The following SORCS2 variants were observed in gnomAD, a reference collection of about 807,000 sequenced individuals.
SORCS2 encodes sortilin related VPS10 domain containing receptor 2.
SORCS2 carries 100 observed loss-of-function variants against 141.6 expected under a neutral mutation model. The ratio of observed to expected loss-of-function variants is 0.71; its 90% CI spans 0.60 to 0.83. The LOEUF is 0.83. Among genes scored for constraint, SORCS2 ranks in the 40% least tolerant of loss-of-function variants. The probability of loss-of-function intolerance (pLI) is 0.00; values close to 1 mark genes in which losing one functional copy is unlikely to be tolerated. For missense variants in SORCS2, 1,646 were observed against 1,560.2 expected (o/e 1.05, Z -0.93); for synonymous variants, 789 against 676.9 (o/e 1.17, Z -2.57).
chr4:7,359,382 T>C (rs921618531), intron 1 of SORCS2, among the ~76,000 whole-genome samples: 2 of 152,176 alleles, frequency 1.3e-5, no homozygotes, highest in Admixed American at 1.3e-4. Context: ...GATCCTCCCA[T>C]CTGGGCCTCC....
Position 7,612,049 on chromosome 4 carries a change from G to A in SORCS2, c.649-26279G>A, listed in dbSNP as rs919556126. On this transcript the variant is annotated intron_variant, in intron 3 of 26. Coordinates refer to ENST00000507866, the MANE Select transcript of SORCS2 (RefSeq NM_020777.3). ...GTGGTGTGGGACAGAAGAGGACAGC[G>A]GAAGGTGACACATGTAGCTTTGCAG... Among the ~76,000 whole-genome samples the A allele has an allele frequency of 4.6e-5, 7 of 152,344 alleles. No homozygotes were observed. The East Asian group carries it at 9.7e-4, about 21-fold the overall frequency.
chr4:7,643,955 C>G (rs1215955293), intron 4 of SORCS2, among the ~76,000 whole-genome samples: 1 of 152,170 alleles, frequency 6.6e-6, no homozygotes, highest in Non-Finnish European at 1.5e-5. Context: ...ATTCTCTTAG[C>G]AATGAGAAGC....
chr4:7,530,323 C>T (rs2109540887), intron 2 of SORCS2, among the ~76,000 whole-genome samples: 1 of 152,352 alleles, frequency 6.6e-6, no homozygotes, highest in South Asian at 2.1e-4. Flanking sequence ...GAGCCAGGTG[C>T]TGGGGTCTGA....
At chr4:7,246,369 G>C (rs2108798775) in intron 1 of SORCS2, among the ~76,000 whole-genome samples, 1 of 152,186 alleles carries the variant, frequency 6.6e-6, no homozygotes, top group East Asian at 1.9e-4. Context: ...ATCTCACCCA[G>C]GGCTTAAATG....
At chr4:7,493,446 T>C (rs1328938691) in intron 2 of SORCS2, among the ~76,000 whole-genome samples, 2 of 152,134 alleles carry the variant, frequency 1.3e-5, no homozygotes, top group African/African-American at 4.8e-5. Flanking sequence ...TGCCTGACCC[T>C]TGGTGTCTAA....
At chr4:7,319,323 A>C (rs766651872) in intron 1 of SORCS2, among the ~76,000 whole-genome samples, 8 of 152,140 alleles carry the variant, frequency 5.3e-5, no homozygotes, top group Non-Finnish European at 1.2e-4. Context: ...TCTAATCATG[A>C]ATCGAGCTGG....
Position 7,740,485 on chromosome 4 carries a change from A to C in SORCS2, c.*221A>C, listed in dbSNP as rs542429478. ...ACTCCCCGGACATGGCCCTGCCCCT[A>C]TGGGACACCAGGCCTGACTCAGGCA... On this transcript the variant is annotated 3_prime_UTR_variant, in exon 27 of 27. Coordinates refer to ENST00000507866, the MANE Select transcript of SORCS2 (RefSeq NM_020777.3). The C allele has an allele frequency of 1.1e-5, 6 of 560,816 alleles. No individual in the cohort carries two copies. The highest frequency in any genetic ancestry group is 3.0e-5 in the East Asian group (1 of 33,780). 34.7% of individuals were successfully genotyped at this position (560,816 alleles called of 1,614,324 possible).
At chr4:7,647,135 G>T (rs953102196) in intron 4 of SORCS2, among the ~76,000 whole-genome samples, 25 of 152,194 alleles carry the variant, frequency 1.6e-4, no homozygotes, top group African/African-American at 5.5e-4. Flanking sequence ...CACAGCTTGC[G>T]CAAAGGCCTG....
At chr4:7,222,294 A>G (rs1212776034) in intron 1 of SORCS2, among the ~76,000 whole-genome samples, 1 of 152,212 alleles carries the variant, frequency 6.6e-6, no homozygotes, top group Non-Finnish European at 1.5e-5. Flanking sequence ...GTGGTAGAAT[A>G]TTATTCAGCC....
At chr4:7,698,456 A>G (rs550509293) in intron 12 of SORCS2, among the ~76,000 whole-genome samples, 154 of 152,354 alleles carry the variant, frequency 1.0e-3, no homozygotes, top group African/African-American at 3.6e-3. Context: ...GATTTATTGT[A>G]TTTTAATATT....
Position 7,511,482 on chromosome 4 carries a change from G to C in SORCS2, c.549-20048G>C, listed in dbSNP as rs115415471. 2.9e-3 allele frequency among the ~76,000 whole-genome samples: 415 copies of C among 142,866 alleles called. 6 individuals carry two copies. Among genetic ancestry groups the C allele is most frequent in the African/African-American group, 0.011 (381 of 35,758 alleles). The allele number at this position is 142,866 out of a possible 152,430, so 93.7% of individuals were successfully genotyped here. A position where few individuals can be genotyped will look rare whatever the true frequency, so the allele number is the denominator to read the frequency against. ...CAGATACACACACAACTTGGGGGAGGGGGGGTGGAGAGAGAGACAGAGAAA... is the reference window on the plus strand; with the variant it reads ...CAGATACACACACAACTTGGGGGAGCGGGGGTGGAGAGAGAGACAGAGAAA... On this transcript the variant is annotated intron_variant, in intron 2 of 26. Coordinates refer to ENST00000507866, the MANE Select transcript of SORCS2 (RefSeq NM_020777.3).
At chr4:7,203,418 C>T (rs113072727) in intron 1 of SORCS2, among the ~76,000 whole-genome samples, 112 of 124,736 alleles carry the variant, frequency 9.0e-4, no homozygotes, top group South Asian at 1.3e-3. Context: ...AGCAAGACTC[C>T]GCCTCAAAAA....
chr4:7,581,642 G>T (rs1180186590), intron 3 of SORCS2, among the ~76,000 whole-genome samples: 2 of 152,120 alleles, frequency 1.3e-5, no homozygotes, highest in African/African-American at 4.8e-5. Flanking sequence ...GAGCCCTCAC[G>T]CAGATTGGGT....
Position 7,193,466 on chromosome 4 carries a change from T to TC in SORCS2, c.480+340_480+341insC, listed in dbSNP as rs113754317. 0.07 allele frequency among the ~76,000 whole-genome samples: 10,610 copies of TC among 152,144 alleles called. 694 individuals carry two copies. The highest frequency in any genetic ancestry group is 0.19 in the East Asian group (954 of 5,142). On this transcript the variant is annotated intron_variant, in intron 1 of 26. Coordinates refer to ENST00000507866, the MANE Select transcript of SORCS2 (RefSeq NM_020777.3). The surrounding 1 kb of genome is among the most constrained non-coding windows in gnomAD (Gnocchi z 4.8). The stretch of plus-strand genomic sequence containing the variant: ...TCGGAAGCCTGCAGGTCCTTGAGGG[T>TC]ACCCCAGCTCGGCGTTACCTCCCCT...
chr4:7,628,251 G>T (rs1224844451), intron 3 of SORCS2, among the ~76,000 whole-genome samples: 1 of 152,130 alleles, frequency 6.6e-6, no homozygotes, highest in Non-Finnish European at 1.5e-5. Context: ...GGCCAGGCGC[G>T]GTGGCTCATG....
At chr4:7,576,529 C>T (rs1353874456) in intron 3 of SORCS2, among the ~76,000 whole-genome samples, 1 of 152,172 alleles carries the variant, frequency 6.6e-6, no homozygotes, top group Admixed American at 6.5e-5. Context: ...CATCTTACTA[C>T]AAAAGGTGAC....
chr4:7,703,850 C>G (rs376564304), intron 13 of SORCS2, among the ~76,000 whole-genome samples: 1 of 152,220 alleles, frequency 6.6e-6, no homozygotes, highest in Non-Finnish European at 1.5e-5. Flanking sequence ...TACTCAACTG[C>G]CAGATGGTGG....
At chr4:7,682,270 T>C (rs1428741672) in intron 9 of SORCS2, among the ~76,000 whole-genome samples, 1 of 152,156 alleles carries the variant, frequency 6.6e-6, no homozygotes, top group Non-Finnish European at 1.5e-5. Context: ...GGCATGTTTG[T>C]ATGGGGATTG....
intron 1 of SORCS2, among the ~76,000 whole-genome samples, chr4:7,270,808 A>T (rs545223107): frequency 2.9e-4 from 44 of 152,324 alleles, no homozygotes; most frequent in African/African-American, 1.1e-3. Context: ...AAAACACTTT[A>T]TTTTTCTGAG....
Sources: allele counts gnomAD v4.1 joint callset (sites outside exome capture counted in the v4.1 genomes callset), GRCh38; gene constraint gnomAD v4.1.1; non-coding constraint Gnocchi (gnomAD v3.1); transcripts MANE v1.5; gene names NCBI Gene and HGNC (gene_info 2026-07-23, HGNC 2026-07-21).